MAP4: variants seen among roughly 807,000 people sequenced by gnomAD.
The protein encoded by MAP4 is microtubule associated protein 4.
A neutral mutation model predicts 170.2 loss-of-function variants in MAP4; 76 were observed. The ratio of observed to expected loss-of-function variants is 0.45; its 90% CI spans 0.37 to 0.54. The LOEUF (loss-of-function observed/expected upper bound fraction) is 0.54, where lower values mean the gene tolerates loss of function less well. MAP4 is among the 20% of genes least tolerant of loss of function. The pLI, the probability that MAP4 is intolerant of heterozygous loss-of-function variation, is 0.00. For missense variants in MAP4, 2,506 were observed against 2,748.0 expected, an observed-to-expected ratio of 0.91 and a Z score of 1.97; for synonymous variants, 909 against 994.5, an observed-to-expected ratio of 0.91 and a Z score of 1.62.
At chr3:47,893,470 G>A (rs2100025146) in intron 10 of MAP4, among the ~76,000 whole-genome samples, 1 of 152,124 alleles carries the variant, frequency 6.6e-6, no homozygotes, top group Non-Finnish European at 1.5e-5. Flanking sequence ...ATTGTAGCTT[G>A]GAGTTTTCCC....
intron 1 of MAP4, among the ~76,000 whole-genome samples, chr3:48,034,655 A>C (rs1296170411): frequency 1.3e-5 from 2 of 151,904 alleles, no homozygotes; most frequent in Non-Finnish European, 2.9e-5. Context: ...GTGAGCTGAG[A>C]TCATGCCACC....
chr3:47,920,356 C>T (rs1205406566), intron 5 of MAP4, among the ~76,000 whole-genome samples: 1 of 152,190 alleles, frequency 6.6e-6, no homozygotes, highest in African/African-American at 2.4e-5. Flanking sequence ...ATCTGCCCGC[C>T]TCTGCCTCCC....
intron 3 of MAP4, among the ~76,000 whole-genome samples, chr3:47,971,825 C>T (rs1468704776): frequency 6.6e-6 from 1 of 152,054 alleles, no homozygotes. Context: ...CCTAGAACAC[C>T]CTCTAGCCTC....
chr3:47,996,440 A>C (rs998398101), intron 2 of MAP4, among the ~76,000 whole-genome samples: 2 of 152,176 alleles, frequency 1.3e-5, no homozygotes, highest in African/African-American at 4.8e-5. Flanking sequence ...GATAAGAGAG[A>C]AAAGAGCATG....
intron 2 of MAP4, among the ~76,000 whole-genome samples, chr3:47,985,984 T>C (rs1300551455): frequency 6.6e-6 from 1 of 152,218 alleles, no homozygotes; most frequent in Non-Finnish European, 1.5e-5. Context: ...CTGCAGTTTG[T>C]TCTCAAATAA....
At chr3:47,895,822 A>G (rs770699131) in intron 10 of MAP4, among the ~76,000 whole-genome samples, 1 of 152,268 alleles carries the variant, frequency 6.6e-6, no homozygotes, top group Non-Finnish European at 1.5e-5. Flanking sequence ...AGCAGAAACC[A>G]GAAGAATGAA....
intron 1 of MAP4, among the ~76,000 whole-genome samples, chr3:48,025,714 C>T (rs1022929736): frequency 6.6e-6 from 1 of 151,502 alleles, no homozygotes; most frequent in South Asian, 2.1e-4. Context: ...GCCTGGCCGA[C>T]GTGGTAAAAA....
At chr3:48,073,269 AC>A (rs1170303079) in intron 1 of MAP4, among the ~76,000 whole-genome samples, 5 of 134,882 alleles carry the variant, frequency 3.7e-5, no homozygotes, top group African/African-American at 5.5e-5. Flanking sequence ...ACACACACAC[AC>A]ACACACACAC....
chr3:47,983,761 C>T (rs1470793625), intron 2 of MAP4, among the ~76,000 whole-genome samples: 1 of 152,156 alleles, frequency 6.6e-6, no homozygotes, highest in Admixed American at 6.5e-5. Context: ...TCAAGTGGTA[C>T]TCCTGCCTCA....
chr3:48,077,446 C>CAAAA (rs946132735), intron 1 of MAP4, among the ~76,000 whole-genome samples: 1 of 70,854 alleles, frequency 1.4e-5, no homozygotes, highest in Non-Finnish European at 3.0e-5. Context: ...AACTCAGTCT[C>CAAAA]AAAAAAAAAA....
intron 1 of MAP4, among the ~76,000 whole-genome samples, chr3:48,037,768 A>G (rs552329920): frequency 2.0e-5 from 3 of 152,272 alleles, no homozygotes; most frequent in South Asian, 4.1e-4. Context: ...GGAGCACTCT[A>G]TATGATATGT....
chr3:47,890,746 C>G (rs1577141018), intron 10 of MAP4, among the ~76,000 whole-genome samples: 1 of 152,230 alleles, frequency 6.6e-6, no homozygotes, highest in East Asian at 1.9e-4. Flanking sequence ...AGTTTTTATA[C>G]CCACCATTCT....
intron 10 of MAP4, among the ~76,000 whole-genome samples, chr3:47,899,921 T>C (rs779970019): frequency 2.0e-5 from 3 of 152,246 alleles, no homozygotes; most frequent in Non-Finnish European, 4.4e-5. Context: ...TGCAGGTCTC[T>C]AATCCCAGTA....
Position 47,964,364 on chromosome 3 carries a change from C to G in MAP4, c.292+13501G>C, listed in dbSNP as rs59118090. 4.0e-3 allele frequency among the ~76,000 whole-genome samples: 613 copies of G among 152,252 alleles called. 6 individuals carry two copies. Among genetic ancestry groups the G allele is most frequent in the African/African-American group, 0.014 (594 of 41,534 alleles). ...TGAGATGTGGTCAGGTTCCAAATAT[C>G]TTTTTCTGACAAACTGGGTGTGGGG... On this transcript the variant is annotated intron_variant, in intron 3 of 20. Transcript: ENST00000683076.
intron 3 of MAP4, among the ~76,000 whole-genome samples, chr3:47,954,446 A>T (rs1273470570): frequency 6.6e-6 from 1 of 152,204 alleles, no homozygotes; most frequent in Non-Finnish European, 1.5e-5. Context: ...ACCAAAACAG[A>T]TTCATCTGTA....
Position 47,916,994 on chromosome 3 carries a change from A to T in MAP4, c.833T>A (p.Met278Lys). Residue 278 changes from methionine (M) to lysine (K), a missense_variant, in exon 7 of 21, where the codon ATG becomes AAG. Transcript: ENST00000683076. Reference protein sequence around the residue: ...TKTEVALAKDMESPTKLDVTL... With the variant: ...TKTEVALAKDKESPTKLDVTL... ...CACATCTAATTTGGTGGGTGATTCC[A>T]TATCTTTAGCCAATGCCACCTCGGT... 6.2e-7 allele frequency: 1 copy of T among 1,614,150 alleles called. No homozygotes were observed. Among genetic ancestry groups the T allele is most frequent in the Non-Finnish European group, 8.5e-7 (1 of 1,180,036 alleles).
At chr3:47,953,168 G>A (rs1017850108) in intron 3 of MAP4, among the ~76,000 whole-genome samples, 11 of 151,958 alleles carry the variant, frequency 7.2e-5, no homozygotes, top group Admixed American at 2.6e-4. Flanking sequence ...AAATCTTAGG[G>A]TGAACTTTAC....
intron 1 of MAP4, among the ~76,000 whole-genome samples, chr3:48,071,062 C>G (rs934074895): frequency 6.6e-6 from 1 of 151,930 alleles, no homozygotes; most frequent in Non-Finnish European, 1.5e-5. Flanking sequence ...GGAACTACCC[C>G]TTTTTGAAGT....
intron 1 of MAP4, among the ~76,000 whole-genome samples, chr3:48,082,445 A>T (rs2100147076): frequency 6.6e-6 from 1 of 152,212 alleles, no homozygotes; most frequent in South Asian, 2.1e-4. Context: ...TCTAGGTTCT[A>T]TCAAGTAAAA....
Sources: allele counts gnomAD v4.1 joint callset (sites outside exome capture counted in the v4.1 genomes callset), GRCh38; gene constraint gnomAD v4.1.1; transcripts MANE v1.5; gene names NCBI Gene and HGNC (gene_info 2026-07-23, HGNC 2026-07-21).